Variants in MSANTD5 observed in about 807,000 individuals in gnomAD.
MSANTD5 encodes the protein uncharacterized protein MSANTD5.
downstream of MSANTD5, among the ~76,000 whole-genome samples, chr5:178,692,902 T>TA (rs1207389102): frequency 6.6e-6 from 1 of 151,922 alleles, no homozygotes; most frequent in Non-Finnish European, 1.5e-5. Context: ...TCTGAGCTGT[T>TA]ACAGCTGGGG....
chr5:178,702,481 A>G (rs1377214096), upstream of MSANTD5, among the ~76,000 whole-genome samples: 1 of 151,310 alleles, frequency 6.6e-6, no homozygotes, highest in Admixed American at 6.6e-5. Context: ...TTGTATTTTT[A>G]GTAGAGACGG....
chr5:178,699,057 T>G (rs1262137836), upstream of MSANTD5, among the ~76,000 whole-genome samples: 1 of 152,126 alleles, frequency 6.6e-6, no homozygotes, highest in African/African-American at 2.4e-5. Flanking sequence ...GCTTCCCACT[T>G]TGGGCCTGTC....
chr5:178,695,484 G>A (rs1219257461), exon 3 of MSANTD5: 1 of 152,080 alleles, frequency 6.6e-6, no homozygotes, highest in Non-Finnish European at 1.5e-5. Context: ...CTGAGCAATT[G>A]CTTTTGATAC....
chr5:178,701,237 A>G (rs1765480281), upstream of MSANTD5, among the ~76,000 whole-genome samples: 1 of 152,132 alleles, frequency 6.6e-6, no homozygotes, highest in Admixed American at 6.5e-5. Flanking sequence ...TCGGCCTCCC[A>G]AAGTGCTGGG....
intron 2 of MSANTD5, among the ~76,000 whole-genome samples, chr5:178,695,830 T>C (rs1219779126): frequency 6.6e-6 from 1 of 152,182 alleles, no homozygotes; most frequent in South Asian, 2.1e-4. Flanking sequence ...TCAAGTTCCT[T>C]AAAATGTTTC....
exon 4 of MSANTD5, chr5:178,694,727 C>G (rs991948276): frequency 4.6e-5 from 7 of 152,114 alleles, no homozygotes; most frequent in African/African-American, 1.4e-4. Context: ...TAGAGATGGC[C>G]CACTGTGTCA....
chr5:178,702,614 T>C (rs952765275), upstream of MSANTD5, among the ~76,000 whole-genome samples: 4 of 150,612 alleles, frequency 2.7e-5, no homozygotes, highest in African/African-American at 7.3e-5. Context: ...TTCTTTTTTT[T>C]CAAGACAGAG....
downstream of MSANTD5, among the ~76,000 whole-genome samples, chr5:178,693,854 A>G (rs1315248561): frequency 6.6e-6 from 1 of 151,978 alleles, no homozygotes; most frequent in Admixed American, 6.6e-5. Flanking sequence ...TCCCCACCCG[A>G]CCCAGAAGCC....
At chr5:178,693,595 A>G (rs1011982497), downstream of MSANTD5, among the ~76,000 whole-genome samples, 2 of 152,050 alleles carry the variant, frequency 1.3e-5, no homozygotes. Context: ...TATTGTGAAG[A>G]GCAAAGAAAG....
At chr5:178,702,097 T>A (rs373292974), upstream of MSANTD5, among the ~76,000 whole-genome samples, 132 of 147,948 alleles carry the variant, frequency 8.9e-4, no homozygotes, top group African/African-American at 2.9e-3. Context: ...AAAAAAAAAA[T>A]AAAAAAAGAA....
chr5:178,694,706 G>GTCTTCAA (rs1321768255), exon 4 of MSANTD5: 5 of 152,172 alleles, frequency 3.3e-5, no homozygotes, highest in Non-Finnish European at 7.3e-5. Flanking sequence ...TTCAAGACCT[G>GTCTTCAA]GATCAGTCAG....
upstream of MSANTD5, among the ~76,000 whole-genome samples, chr5:178,700,093 C>T (rs1341805915): frequency 6.6e-6 from 1 of 152,146 alleles, no homozygotes; most frequent in African/African-American, 2.4e-5. Flanking sequence ...TTGCTCTGCT[C>T]CCATCACCAG....
chr5:178,703,822 A>T, the MSANTD5 span, among the ~76,000 whole-genome samples: 1 of 151,464 alleles, frequency 6.6e-6, no homozygotes, highest in Non-Finnish European at 1.5e-5. Flanking sequence ...CTCTACTAAA[A>T]ATACAAAAAT....
At chr5:178,699,199 A>G (rs1297510426), upstream of MSANTD5, among the ~76,000 whole-genome samples, 1 of 152,154 alleles carries the variant, frequency 6.6e-6, no homozygotes, top group Non-Finnish European at 1.5e-5. Flanking sequence ...GCTGGAGGCA[A>G]ATAGAAACTT....
At chr5:178,697,999 G>A (rs1765437123), upstream of MSANTD5, among the ~76,000 whole-genome samples, 1 of 152,174 alleles carries the variant, frequency 6.6e-6, no homozygotes, top group Non-Finnish European at 1.5e-5. Flanking sequence ...AAAGGGATGG[G>A]TTGTTACATT....
chr5:178,693,093 T>G (rs1243908114), downstream of MSANTD5, among the ~76,000 whole-genome samples: 2 of 151,972 alleles, frequency 1.3e-5, no homozygotes, highest in African/African-American at 2.4e-5. Flanking sequence ...GCGGATCACC[T>G]GAGGTCGGGA....
At chr5:178,693,397 C>T (rs978382904), downstream of MSANTD5, among the ~76,000 whole-genome samples, 3 of 152,018 alleles carry the variant, frequency 2.0e-5, no homozygotes, top group African/African-American at 7.3e-5. Context: ...CATGTACCTT[C>T]GCGGTGAGTG....
chr5:178,693,476 G>A (rs960572516), downstream of MSANTD5, among the ~76,000 whole-genome samples: 1 of 151,996 alleles, frequency 6.6e-6, no homozygotes, highest in Non-Finnish European at 1.5e-5. Context: ...CTGCCTTCCA[G>A]TGGGTTCTTG....
chr5:178,701,585 T>G (rs926411559), upstream of MSANTD5, among the ~76,000 whole-genome samples: 2 of 150,684 alleles, frequency 1.3e-5, no homozygotes, highest in Non-Finnish European at 3.0e-5. Flanking sequence ...GGTAGGAGAA[T>G]CTCTTGAACC....
Sources: gnomAD v4.1 joint callset for allele counts (sites outside exome capture counted in the v4.1 genomes callset) on GRCh38, gnomAD v4.1.1 for gene constraint, MANE v1.5 for transcripts, NCBI Gene and HGNC (gene_info 2026-07-23, HGNC 2026-07-21) for gene names.